Variants in GARNL3 observed in about 807,000 individuals in gnomAD.
The protein encoded by GARNL3 is GTPase-activating Rap/Ran-GAP domain-like protein 3.
In GARNL3, 63 loss-of-function variants were observed where a neutral mutation model predicts 125.0. The ratio of observed to expected loss-of-function variants is 0.50; its 90% CI spans 0.41 to 0.62. GARNL3 has a LOEUF of 0.62. Among genes scored for constraint, GARNL3 ranks in the 20% least tolerant of loss-of-function variants. GARNL3 has a pLI of 0.00. For missense variants in GARNL3, 994 were observed against 1,244.0 expected, an observed-to-expected ratio of 0.80 and a Z score of 3.02; for synonymous variants, 439 against 457.5, an observed-to-expected ratio of 0.96 and a Z score of 0.52.
At chr9:127,380,127 A>G (rs1159247491) in intron 22 of GARNL3, among the ~76,000 whole-genome samples, 3 of 152,048 alleles carry the variant, frequency 2.0e-5, no homozygotes, top group African/African-American at 7.2e-5. Flanking sequence ...CAAGAGGCAT[A>G]GGTTGCAGTG....
intron 11 of GARNL3, 105 bp downstream of exon 11, chr9:127,336,341 T>A: frequency 1.4e-6 from 1 of 712,780 alleles, no homozygotes; most frequent in East Asian, 2.7e-5. Flanking sequence ...TGTTTTGTAA[T>A]GCTAGCTTTA....
chr9:127,283,433 G>A (rs141614314), intron 1 of GARNL3, among the ~76,000 whole-genome samples: 3 of 152,310 alleles, frequency 2.0e-5, no homozygotes, highest in African/African-American at 7.2e-5. Flanking sequence ...CACTTTGGAA[G>A]ACCTTAGCAG....
chr9:127,292,710 A>C (rs755554293), intron 2 of GARNL3, among the ~76,000 whole-genome samples: 29 of 152,226 alleles, frequency 1.9e-4, no homozygotes, highest in Non-Finnish European at 3.2e-4. Flanking sequence ...TGTGATCCTT[A>C]ATCACCATAC....
intron 1 of GARNL3, among the ~76,000 whole-genome samples, chr9:127,271,312 TA>T (rs2131292819): frequency 6.6e-6 from 1 of 150,582 alleles, no homozygotes; most frequent in Non-Finnish European, 1.5e-5. Context: ...TTTGCCACTG[TA>T]TCTCTAGAAC....
At chr9:127,293,210 T>C (rs1201303850) in intron 2 of GARNL3, among the ~76,000 whole-genome samples, 1 of 152,184 alleles carries the variant, frequency 6.6e-6, no homozygotes, top group Non-Finnish European at 1.5e-5. Flanking sequence ...CTGAATTAGG[T>C]AAAGCAGTTA....
chr9:127,366,377 T>C (rs987325269), intron 22 of GARNL3, among the ~76,000 whole-genome samples: 9 of 152,152 alleles, frequency 5.9e-5, no homozygotes, highest in Middle Eastern at 3.2e-3. Context: ...CAGCAGGTCT[T>C]TAATGGCCCA....
At chr9:127,378,973 T>TCA (rs1210620290) in intron 22 of GARNL3, among the ~76,000 whole-genome samples, 2 of 152,184 alleles carry the variant, frequency 1.3e-5, no homozygotes, top group Non-Finnish European at 2.9e-5. Flanking sequence ...AGATGGGGTT[T>TCA]CACCATGGTG....
In GARNL3 at chr9:127,265,002, A is replaced by G. The variant is rs897206875; in HGVS notation, c.125A>G (p.His42Arg). Residue 42 changes from histidine (H) to arginine (R), a missense_variant, in exon 1 of 28, where the codon CAT (histidine) becomes CGT (arginine). Transcript: ENST00000373387. ...GCRRGDFSRK[H>R]YGSVELLISS... is the part of the protein sequence containing the mutation. Reference sequence around the variant, plus strand: ...AGACGTGGGGATTTCAGTAGGAAACATTATGGATCTGTGGAGCTGGTAAGT... The same window carrying G: ...AGACGTGGGGATTTCAGTAGGAAACGTTATGGATCTGTGGAGCTGGTAAGT... 6 of 1,613,102 alleles carry G rather than the reference A, an allele frequency of 3.7e-6. No homozygotes were observed. The highest frequency in any genetic ancestry group is 5.1e-6 in the Non-Finnish European group (6 of 1,179,452).
intron 22 of GARNL3, among the ~76,000 whole-genome samples, chr9:127,368,330 C>CT (rs113907432): frequency 0.021 from 2,723 of 128,930 alleles, 86 homozygotes; most frequent in East Asian, 0.17. Context: ...AAATACATTT[C>CT]TTTTTTTTTT....
At chr9:127,359,525 T>G (rs1263645753) in intron 21 of GARNL3, among the ~76,000 whole-genome samples, 1 of 151,836 alleles carries the variant, frequency 6.6e-6, no homozygotes, top group East Asian at 1.9e-4. Flanking sequence ...TTCTTCCTTC[T>G]CAAAACTGTG....
intron 10 of GARNL3, 107 bp downstream of exon 10, chr9:127,335,440 G>A (rs1460546802): frequency 6.9e-6 from 6 of 872,468 alleles, no homozygotes; most frequent in African/African-American, 1.7e-5. Context: ...GAGCTGAGCT[G>A]TGGCCACCAA....
chr9:127,234,092 G>A (rs2063068571), intron 1 of GARNL3, among the ~76,000 whole-genome samples: 1 of 152,084 alleles, frequency 6.6e-6, no homozygotes, highest in Non-Finnish European at 1.5e-5. Flanking sequence ...AGCCTTCTTG[G>A]GAAAGACTAT....
chr9:127,292,981 C>T (rs1276702756), intron 2 of GARNL3, among the ~76,000 whole-genome samples: 2 of 152,274 alleles, frequency 1.3e-5, no homozygotes, highest in African/African-American at 2.4e-5. Flanking sequence ...AAACACAGTC[C>T]GTCTCAAATT....
intron 2 of GARNL3, among the ~76,000 whole-genome samples, chr9:127,256,029 A>G (rs76645121): frequency 6.6e-6 from 1 of 152,208 alleles, no homozygotes; most frequent in African/African-American, 2.4e-5. Flanking sequence ...AAAGAAGTAG[A>G]TCTGCAGGTG....
At chr9:127,375,111 T>TA (rs987571431) in intron 22 of GARNL3, among the ~76,000 whole-genome samples, 56 of 152,196 alleles carry the variant, frequency 3.7e-4, no homozygotes, top group African/African-American at 8.4e-4. Flanking sequence ...TTCAAAAAGT[T>TA]AAACATTCGC....
At chr9:127,241,912 C>T (rs1332304097) in intron 1 of GARNL3, among the ~76,000 whole-genome samples, 1 of 152,046 alleles carries the variant, frequency 6.6e-6, no homozygotes, top group African/African-American at 2.4e-5. Flanking sequence ...GGATTACAGG[C>T]GTGAGCCACT....
intron 8 of GARNL3, 42 bp from the exon 9 acceptor site, chr9:127,332,981 G>C: frequency 7.3e-7 from 1 of 1,364,242 alleles, no homozygotes; most frequent in Non-Finnish European, 1.0e-6. Flanking sequence ...ATGAGGACTT[G>C]TTGATGCCCA....
At chr9:127,365,490 T>C in intron 22 of GARNL3, 124 bp downstream of exon 22, 2 of 806,818 alleles carry the variant, frequency 2.5e-6, no homozygotes, top group South Asian at 3.1e-5. Flanking sequence ...GTAATTGCCT[T>C]CCAGGAAGGA....
chr9:127,386,104 T>C (rs1564201770), intron 24 of GARNL3, among the ~76,000 whole-genome samples: 3 of 152,252 alleles, frequency 2.0e-5, no homozygotes, highest in Non-Finnish European at 2.9e-5. Flanking sequence ...TGTTAATATT[T>C]GCTGAACTCT....
Sources: allele counts gnomAD v4.1 joint callset (sites outside exome capture counted in the v4.1 genomes callset), GRCh38; gene constraint gnomAD v4.1.1; transcripts MANE v1.5; gene names NCBI Gene and HGNC (gene_info 2026-07-23, HGNC 2026-07-21).